The following DRD3 variants were observed in gnomAD, a reference collection of about 807,000 sequenced individuals.
DRD3 encodes D(3) dopamine receptor.
Under a neutral mutation model 36.3 loss-of-function variants are expected in DRD3, and 19 were observed. That is an observed-to-expected ratio of 0.52 (90% confidence interval 0.36 to 0.77). The LOEUF (loss-of-function observed/expected upper bound fraction) is 0.77, where lower values mean the gene tolerates loss of function less well. Ranked by LOEUF, DRD3 falls within the 30% of genes least tolerant of loss-of-function variation. The probability of loss-of-function intolerance (pLI) is 0.00; values close to 1 mark genes in which losing one functional copy is unlikely to be tolerated. For missense variants in DRD3, 465 were observed against 505.3 expected, an observed-to-expected ratio of 0.92 and a Z score of 0.77; for synonymous variants, 195 against 203.7, an observed-to-expected ratio of 0.96 and a Z score of 0.36.
At chr3:114,164,797 G>A (rs2077767306) in intron 2 of DRD3, among the ~76,000 whole-genome samples, 1 of 152,258 alleles carries the variant, frequency 6.6e-6, no homozygotes, top group East Asian at 1.9e-4. Flanking sequence ...CTGTCGCCCG[G>A]CTGGAGTGCA....
chr3:114,174,559 A>G (rs1430351098), intron 1 of DRD3, among the ~76,000 whole-genome samples: 1 of 152,120 alleles, frequency 6.6e-6, no homozygotes, highest in Admixed American at 6.5e-5. Flanking sequence ...AGTTGCATGG[A>G]TTTCTGATTT....
chr3:114,152,827 G>T (rs544380064), intron 3 of DRD3, among the ~76,000 whole-genome samples: 1 of 152,370 alleles, frequency 6.6e-6, no homozygotes, highest in African/African-American at 2.4e-5. Flanking sequence ...GGCGAGGGCC[G>T]CGCCAAAGCA....
intron 1 of DRD3, among the ~76,000 whole-genome samples, chr3:114,184,932 C>T (rs1318982642): frequency 6.6e-6 from 1 of 152,116 alleles, no homozygotes; most frequent in African/African-American, 2.4e-5. Context: ...TTTCTTTTAG[C>T]ATTTTGAATA....
intron 3 of DRD3, among the ~76,000 whole-genome samples, chr3:114,156,763 C>CTTACTTTCTTTCTT (rs2077676255): frequency 9.8e-6 from 1 of 101,980 alleles, no homozygotes; most frequent in African/African-American, 3.5e-5. Context: ...TTCTTTCTTT[C>CTTACTTTCTTTCTT]TTTCTTTCTT....
intron 3 of DRD3, among the ~76,000 whole-genome samples, chr3:114,148,218 C>G (rs957421763): frequency 6.6e-6 from 1 of 152,098 alleles, no homozygotes; most frequent in African/African-American, 2.4e-5. Flanking sequence ...TGTCACACAC[C>G]CTTCACTCTG....
At chr3:114,138,898 C>T (rs1005003144) in intron 5 of DRD3, among the ~76,000 whole-genome samples, 5 of 152,124 alleles carry the variant, frequency 3.3e-5, no homozygotes, top group African/African-American at 1.2e-4. Flanking sequence ...TCAAGTACAT[C>T]GTGGGAAAAC....
intron 2 of DRD3, among the ~76,000 whole-genome samples, chr3:114,163,002 C>G (rs1269890156): frequency 6.6e-6 from 1 of 152,208 alleles, no homozygotes; most frequent in East Asian, 1.9e-4. Flanking sequence ...TAATACCCCT[C>G]CTGCTTAGCC....
chr3:114,160,943 G>A (rs1175429464), intron 2 of DRD3, among the ~76,000 whole-genome samples: 2 of 152,028 alleles, frequency 1.3e-5, no homozygotes, highest in African/African-American at 2.4e-5. Context: ...CTTACAGTCA[G>A]GAATTTATAT....
At chr3:114,156,115 T>C (rs756967854) in intron 3 of DRD3, among the ~76,000 whole-genome samples, 6 of 152,216 alleles carry the variant, frequency 3.9e-5, no homozygotes, top group African/African-American at 7.2e-5. Context: ...TCCAACTTCT[T>C]AGAGTATTTA....
chr3:114,135,893 A>G (rs1345368370), intron 5 of DRD3, among the ~76,000 whole-genome samples: 3 of 152,022 alleles, frequency 2.0e-5, no homozygotes, highest in Non-Finnish European at 4.4e-5. Context: ...GGGTTTCACC[A>G]TGTTGGTCAG....
chr3:114,180,897 G>A (rs1244582482), upstream of DRD3, among the ~76,000 whole-genome samples: 1 of 152,144 alleles, frequency 6.6e-6, no homozygotes, highest in Non-Finnish European at 1.5e-5. Flanking sequence ...AGGCTGTTAT[G>A]TGAGCAGAAT....
At chr3:114,162,758 A>G (rs1216893174) in intron 2 of DRD3, among the ~76,000 whole-genome samples, 1 of 152,174 alleles carries the variant, frequency 6.6e-6, no homozygotes, top group African/African-American at 2.4e-5. Flanking sequence ...GCTATAGGGA[A>G]GTGTTAGGTG....
intron 4 of DRD3, among the ~76,000 whole-genome samples, chr3:114,146,778 ACTGATTCAT>A (rs2077573546): frequency 6.6e-6 from 1 of 152,100 alleles, no homozygotes. Flanking sequence ...CACAGAAGGC[ACTGATTCAT>A]CTGAGGTATT....
At chr3:114,169,131 G>C (rs1209033395) in intron 2 of DRD3, among the ~76,000 whole-genome samples, 1 of 151,736 alleles carries the variant, frequency 6.6e-6, no homozygotes, top group Non-Finnish European at 1.5e-5. Context: ...ATAATACTTT[G>C]CTTCTTCTTG....
At chr3:114,183,163 A>T (rs1326870810), upstream of DRD3, among the ~76,000 whole-genome samples, 4 of 152,202 alleles carry the variant, frequency 2.6e-5, no homozygotes, top group African/African-American at 9.6e-5. Context: ...TTATGCCTCC[A>T]TTGTAATTTA....
intron 1 of DRD3, among the ~76,000 whole-genome samples, chr3:114,198,880 C>T (rs1045402807): frequency 1.3e-5 from 2 of 152,108 alleles, no homozygotes; most frequent in African/African-American, 4.8e-5. Context: ...TAGGACTATA[C>T]AGGTGCATAC....
At chr3:114,182,757 G>A (rs2077955171), upstream of DRD3, among the ~76,000 whole-genome samples, 1 of 151,970 alleles carries the variant, frequency 6.6e-6, no homozygotes, top group Non-Finnish European at 1.5e-5. Flanking sequence ...TACTATATTT[G>A]TCTTTTTCAG....
At chr3:114,197,277 ATTTTTTTTTTTT>A in intron 1 of DRD3, among the ~76,000 whole-genome samples, 1 of 89,362 alleles carries the variant, frequency 1.1e-5, no homozygotes, top group South Asian at 3.5e-4. Flanking sequence ...AATTAAAAAA[ATTTTTTTTTTTT>A]TTTTTTTTTT....
chr3:114,195,152 G>A (rs1442187917), intron 1 of DRD3, among the ~76,000 whole-genome samples: 1 of 152,198 alleles, frequency 6.6e-6, no homozygotes, highest in East Asian at 1.9e-4. Flanking sequence ...TGGGAGCCAT[G>A]GAGGAGCTTA....
Sources: allele counts gnomAD v4.1 joint callset (sites outside exome capture counted in the v4.1 genomes callset), GRCh38; gene constraint gnomAD v4.1.1; transcripts MANE v1.5; gene names NCBI Gene and HGNC (gene_info 2026-07-23, HGNC 2026-07-21).